The following ALK variants were observed in gnomAD, a reference collection of about 807,000 sequenced individuals.
The protein encoded by ALK is ALK receptor tyrosine kinase, also known as ALK tyrosine kinase receptor.
Under a neutral mutation model 163.1 loss-of-function variants are expected in ALK, and 74 were observed. The ratio of observed to expected loss-of-function variants is 0.45; its 90% CI spans 0.38 to 0.55. The LOEUF (loss-of-function observed/expected upper bound fraction) is 0.55. ALK is among the 20% of genes least tolerant of loss of function. The probability of loss-of-function intolerance (pLI) is 0.00; values close to 1 mark genes in which losing one functional copy is unlikely to be tolerated. For missense variants in ALK, 2,063 were observed against 2,105.3 expected, an observed-to-expected ratio of 0.98 and a Z score of 0.39; for synonymous variants, 960 against 843.2, an observed-to-expected ratio of 1.14 and a Z score of -2.40.
intron 4 of ALK, among the ~76,000 whole-genome samples, chr2:29,399,009 G>A (rs1281768619): frequency 1.3e-5 from 2 of 152,330 alleles, no homozygotes; most frequent in South Asian, 4.1e-4. Context: ...ACTGTGGTCT[G>A]CAAGAGTCTC....
chr2:29,444,493 A>C (rs2148085091), intron 4 of ALK, among the ~76,000 whole-genome samples: 1 of 152,326 alleles, frequency 6.6e-6, no homozygotes, highest in South Asian at 2.1e-4. Flanking sequence ...TGCCCAGGAG[A>C]CAACAGAGGA....
intron 4 of ALK, among the ~76,000 whole-genome samples, chr2:29,476,392 G>A (rs1235915684): frequency 6.6e-6 from 1 of 152,096 alleles, no homozygotes; most frequent in African/African-American, 2.4e-5. Flanking sequence ...TTTTCCACTT[G>A]TAAAGATAAT....
At chr2:29,395,844 T>TTAGC (rs1669290819) in intron 4 of ALK, among the ~76,000 whole-genome samples, 1 of 152,344 alleles carries the variant, frequency 6.6e-6, no homozygotes, top group Non-Finnish European at 1.5e-5. Flanking sequence ...TCTATTAGCC[T>TTAGC]TAGCTCATAC....
intron 22 of ALK, 97 bp from the exon 23 acceptor site, chr2:29,220,932 G>A (rs2148166975): frequency 6.5e-7 from 1 of 1,536,702 alleles, no homozygotes; most frequent in South Asian, 1.2e-5. Context: ...ATTTTCAGCA[G>A]CTACAATGTA....
At chr2:29,865,791 C>T (rs775266328) in intron 1 of ALK, among the ~76,000 whole-genome samples, 4 of 152,220 alleles carry the variant, frequency 2.6e-5, no homozygotes, top group Non-Finnish European at 5.9e-5. Context: ...CTGCCTGACA[C>T]ATAGTTAGCA....
chr2:29,314,793 C>A (rs1015184456), intron 8 of ALK, among the ~76,000 whole-genome samples: 2 of 152,092 alleles, frequency 1.3e-5, no homozygotes, highest in Non-Finnish European at 2.9e-5. Context: ...TCAAACCACA[C>A]GGGGCTTGTT....
At chr2:29,522,709 G>A (rs1205535607) in intron 4 of ALK, among the ~76,000 whole-genome samples, 4 of 152,134 alleles carry the variant, frequency 2.6e-5, no homozygotes, top group Non-Finnish European at 5.9e-5. Flanking sequence ...AGTCCACAAA[G>A]AACCCCCACC....
intron 4 of ALK, among the ~76,000 whole-genome samples, chr2:29,508,733 CA>C (rs60719550): frequency 0.047 from 3,090 of 65,358 alleles, 18 homozygotes; most frequent in Non-Finnish European, 0.057. Flanking sequence ...ATCTGCAACT[CA>C]AAAAAAAAAA....
At chr2:29,614,546 ATTC>A (rs1300535856) in intron 3 of ALK, among the ~76,000 whole-genome samples, 7 of 152,202 alleles carry the variant, frequency 4.6e-5, no homozygotes, top group Non-Finnish European at 8.8e-5. Flanking sequence ...ACCGACAAGA[ATTC>A]TGTCTGTGAC....
At chr2:29,205,270 A>ATGTT (rs1254350293) in intron 26 of ALK, among the ~76,000 whole-genome samples, 1 of 151,828 alleles carries the variant, frequency 6.6e-6, no homozygotes. Flanking sequence ...ATTTTCTTAA[A>ATGTT]TGTTTGTTGA....
intron 1 of ALK, among the ~76,000 whole-genome samples, chr2:29,799,902 C>T (rs1416044384): frequency 6.6e-6 from 1 of 152,184 alleles, no homozygotes; most frequent in Non-Finnish European, 1.5e-5. Context: ...TGTGGCCGAG[C>T]CAGCATCCTT....
At chr2:29,440,987 T>C (rs1469301973) in intron 4 of ALK, among the ~76,000 whole-genome samples, 1 of 152,210 alleles carries the variant, frequency 6.6e-6, no homozygotes, top group East Asian at 1.9e-4. Context: ...AGGCTCTGGC[T>C]GGCCAAGTCT....
rs753584062 is a variant in ALK, at chr2:29,233,572, A to G, written c.2480T>C (p.Val827Ala). 1 of 1,614,022 alleles carries G rather than the reference A, an allele frequency of 6.2e-7. No individual in the cohort carries two copies. The highest frequency in any genetic ancestry group is 8.5e-7 in the Non-Finnish European group (1 of 1,180,028). The change falls in exon 14 of 29, where the codon GTA (valine) becomes GCA (alanine). Residue 827 changes from valine (V) to alanine (A), a missense_variant. By Grantham distance (64) the Val-to-Ala change is moderately conservative. Around this residue, in one of 5 missense-constraint regions of ALK, gnomAD observed 575 missense variants for 626.6 expected, o/e 0.92. Transcript: ENST00000389048. ...TGGCAGCACACACCATACCTTAAATACGTAGGTGGCTCCACCCCCTCCTCC... is the reference window on the plus strand; with the variant it reads ...TGGCAGCACACACCATACCTTAAATGCGTAGGTGGCTCCACCCCCTCCTCC... ...GGGGGGGATY[V>A]FKMKDGVPVP...
chr2:29,637,910 A>T (rs1676587748), intron 3 of ALK, among the ~76,000 whole-genome samples: 1 of 152,170 alleles, frequency 6.6e-6, no homozygotes, highest in Non-Finnish European at 1.5e-5. Context: ...AATAAGTTTA[A>T]TTAAAACATA....
chr2:29,227,503 A>C lies in ALK; in HGVS notation c.2914+71T>G. On this transcript the variant is annotated intron_variant, in intron 17 of 28. Coordinates refer to ENST00000389048, the MANE Select transcript of ALK (RefSeq NM_004304.5). This position sits in a 1 kb window ranked among gnomAD's most constrained non-coding sequence, Gnocchi z 4.4. Reference sequence around the variant, plus strand: ...TCTGTATCCTGGATACAGGTCAGAGACTCTGAGGTTTTAGCTTGGTGGGAG... The same window carrying C: ...TCTGTATCCTGGATACAGGTCAGAGCCTCTGAGGTTTTAGCTTGGTGGGAG... 2 of 1,296,508 alleles carry C rather than the reference A, an allele frequency of 1.5e-6. No individual in the cohort carries two copies. The highest frequency in any genetic ancestry group is 2.4e-5 in the South Asian group (2 of 84,862). The allele number at this position is 1,296,508 out of a possible 1,614,324, so 80.3% of individuals were successfully genotyped here.
chr2:29,291,507 C>A (rs1018639397), intron 9 of ALK, among the ~76,000 whole-genome samples: 2 of 152,158 alleles, frequency 1.3e-5, no homozygotes, highest in African/African-American at 4.8e-5. Flanking sequence ...AATTATTTAA[C>A]CTCCATAGCC....
chr2:29,494,522 G>C (rs1431374523), intron 4 of ALK, among the ~76,000 whole-genome samples: 6 of 152,132 alleles, frequency 3.9e-5, no homozygotes, highest in African/African-American at 1.2e-4. Flanking sequence ...AGTCTTAAGG[G>C]GTGGGTGGGG....
Position 29,619,586 on chromosome 2 carries a change from C to T in ALK, c.952+75264G>A, listed in dbSNP as rs150589403. Among the ~76,000 whole-genome samples, 282 of 152,288 alleles carry T rather than the reference C, an allele frequency of 1.9e-3. 1 individual carries two copies. The highest frequency in any genetic ancestry group is 3.1e-3 in the Non-Finnish European group (209 of 68,024). Reference sequence around the variant, plus strand: ...CTTCCCAAATAGCAAGCAGCACTGCCGGCCCTCAGCTTCTGGAACACCCTG... The same window carrying T: ...CTTCCCAAATAGCAAGCAGCACTGCTGGCCCTCAGCTTCTGGAACACCCTG... On this transcript the variant is annotated intron_variant, in intron 3 of 28. Transcript: ENST00000389048.
chr2:29,845,842 A>C (rs1201147361), intron 1 of ALK, among the ~76,000 whole-genome samples: 1 of 152,208 alleles, frequency 6.6e-6, no homozygotes, highest in African/African-American at 2.4e-5. Flanking sequence ...TGGTGCTCCA[A>C]GACAGATTCT....
Sources: allele counts gnomAD v4.1 joint callset (sites outside exome capture counted in the v4.1 genomes callset), GRCh38; gene constraint gnomAD v4.1.1; regional missense constraint gnomAD v4.1.1; non-coding constraint Gnocchi (gnomAD v3.1); transcripts MANE v1.5; gene names NCBI Gene and HGNC (gene_info 2026-07-23, HGNC 2026-07-21).